The following PIK3C2G variants were observed in gnomAD, a reference collection of about 807,000 sequenced individuals.
PIK3C2G encodes the protein phosphatidylinositol 3-kinase C2 domain-containing subunit gamma.
A neutral mutation model predicts 181.1 loss-of-function variants in PIK3C2G; 168 were observed. That is an observed-to-expected ratio of 0.93 (90% CI 0.82 to 1.05). The LOEUF (loss-of-function observed/expected upper bound fraction) is 1.05. Ranked by LOEUF, PIK3C2G falls within the 50% of genes least tolerant of loss-of-function variation. The probability of loss-of-function intolerance (pLI) is 0.00; values close to 1 mark genes in which losing one functional copy is unlikely to be tolerated. For synonymous variants in PIK3C2G, 573 were observed against 592.2 expected, an observed-to-expected ratio of 0.97 and a Z score of 0.47; for missense variants, 1,869 against 1,732.8, an observed-to-expected ratio of 1.08 and a Z score of -1.40.
chr12:18,246,917 A>G (rs1948045996), upstream of PIK3C2G, among the ~76,000 whole-genome samples: 1 of 150,400 alleles, frequency 6.6e-6, no homozygotes, highest in Non-Finnish European at 1.5e-5. Context: ...TTTAATGGCA[A>G]GAGGCTATTA....
intron 30 of PIK3C2G, among the ~76,000 whole-genome samples, chr12:18,608,723 G>C (rs1948187296): frequency 6.6e-6 from 1 of 151,904 alleles, no homozygotes; most frequent in South Asian, 2.1e-4. Flanking sequence ...AAAAAGTATA[G>C]AATAAAAGTG....
intron 25 of PIK3C2G, among the ~76,000 whole-genome samples, chr12:18,545,065 CT>C (rs1233661383): frequency 1.3e-5 from 2 of 151,798 alleles, no homozygotes; most frequent in Non-Finnish European, 2.9e-5. Context: ...ACTTAAAGAG[CT>C]TTCTTGTTTT....
intron 29 of PIK3C2G, among the ~76,000 whole-genome samples, chr12:18,589,028 G>T (rs141466182): frequency 6.6e-6 from 1 of 152,150 alleles, no homozygotes; most frequent in East Asian, 1.9e-4. Flanking sequence ...ATTTATAAGT[G>T]GGAGCTAAAT....
At chr12:18,458,103 C>T (rs893525646) in intron 18 of PIK3C2G, among the ~76,000 whole-genome samples, 3 of 152,106 alleles carry the variant, frequency 2.0e-5, no homozygotes, top group African/African-American at 7.2e-5. Context: ...TTCTTATTTA[C>T]TACCTTCATC....
chr12:18,479,882 G>A (rs188687629), intron 18 of PIK3C2G, among the ~76,000 whole-genome samples: 1 of 152,160 alleles, frequency 6.6e-6, no homozygotes, highest in Non-Finnish European at 1.5e-5. Context: ...CAAATGTAAG[G>A]GTGGGAGAAA....
chr12:18,630,151 C>A (rs1396733612), intron 31 of PIK3C2G, among the ~76,000 whole-genome samples: 2 of 152,020 alleles, frequency 1.3e-5, no homozygotes, highest in Non-Finnish European at 2.9e-5. Flanking sequence ...GTGGCTCATA[C>A]CTATAATCCC....
the PIK3C2G span, among the ~76,000 whole-genome samples, chr12:18,689,169 A>G: frequency 3.9e-5 from 6 of 152,140 alleles, no homozygotes; most frequent in African/African-American, 1.4e-4. Context: ...CCATAAACAT[A>G]TAGTACACTG....
chr12:18,666,686 G>C, the PIK3C2G span, among the ~76,000 whole-genome samples: 1 of 152,086 alleles, frequency 6.6e-6, no homozygotes, highest in Non-Finnish European at 1.5e-5. Context: ...TAGAATACTT[G>C]AACAATGCTA....
rs550652018 is a variant in PIK3C2G, at chr12:18,605,328, A to C, written c.4088-4207A>C. 2.0e-5 allele frequency among the ~76,000 whole-genome samples: 3 copies of C among 152,310 alleles called. No individual in the cohort carries two copies. In the East Asian group the frequency reaches 5.8e-4, roughly 29 times the overall value. ...TGGAAAAATACAACCCTTGTAGCTT[A>C]AATCAGGAATAATTAGATACCCTGA... On this transcript the variant is annotated intron_variant, in intron 30 of 32. Transcript: ENST00000538779.
the PIK3C2G span, among the ~76,000 whole-genome samples, chr12:18,674,222 C>T: frequency 6.6e-6 from 1 of 152,182 alleles, no homozygotes; most frequent in African/African-American, 2.4e-5. Flanking sequence ...ATATAAGCCA[C>T]ATATATTAAA....
At chr12:18,682,166 C>T in the PIK3C2G span, among the ~76,000 whole-genome samples, 2 of 152,044 alleles carry the variant, frequency 1.3e-5, no homozygotes, top group South Asian at 4.1e-4. Context: ...CCATTTCTTA[C>T]TACCTATGGC....
At chr12:18,280,884 T>C (rs760076093) in intron 1 of PIK3C2G, among the ~76,000 whole-genome samples, 18 of 151,906 alleles carry the variant, frequency 1.2e-4, no homozygotes, top group Non-Finnish European at 2.2e-4. Flanking sequence ...ATTTAAGATA[T>C]ATTTATGTAG....
the PIK3C2G span, among the ~76,000 whole-genome samples, chr12:18,656,303 C>T: frequency 2.0e-5 from 3 of 152,024 alleles, no homozygotes; most frequent in East Asian, 3.9e-4. Flanking sequence ...GGTGGCTGGG[C>T]GCAGTGGGTC....
At chr12:18,456,948 TAA>T (rs1457188592) in intron 18 of PIK3C2G, among the ~76,000 whole-genome samples, 1 of 152,148 alleles carries the variant, frequency 6.6e-6, no homozygotes, top group African/African-American at 2.4e-5. Context: ...TCTTTTTATA[TAA>T]AAGTTTTCCA....
intron 5 of PIK3C2G, among the ~76,000 whole-genome samples, chr12:18,307,334 T>C: frequency 6.6e-6 from 1 of 151,614 alleles, no homozygotes; most frequent in Non-Finnish European, 1.5e-5. Context: ...AGAGAATAAA[T>C]AATTAATATA....
upstream of PIK3C2G, among the ~76,000 whole-genome samples, chr12:18,258,493 T>C (rs1948170861): frequency 6.6e-6 from 1 of 152,114 alleles, no homozygotes; most frequent in Non-Finnish European, 1.5e-5. Context: ...CCTATTAATT[T>C]AACTTTTTTA....
the PIK3C2G span, among the ~76,000 whole-genome samples, chr12:18,689,840 A>C: frequency 6.6e-6 from 1 of 152,162 alleles, no homozygotes; most frequent in Non-Finnish European, 1.5e-5. Context: ...TTATAGTAAA[A>C]CTTGGCTCTC....
intron 30 of PIK3C2G, among the ~76,000 whole-genome samples, chr12:18,603,862 C>G (rs1201610236): frequency 6.6e-6 from 1 of 152,042 alleles, no homozygotes; most frequent in Non-Finnish European, 1.5e-5. Flanking sequence ...ACAAGAACTG[C>G]TAAAAAGAGC....
intron 8 of PIK3C2G, among the ~76,000 whole-genome samples, chr12:18,332,633 C>G (rs1424559379): frequency 6.6e-6 from 1 of 152,112 alleles, no homozygotes; most frequent in African/African-American, 2.4e-5. Context: ...ACCCTTCCTT[C>G]AACAGCAAAG....
Sources: allele counts gnomAD v4.1 joint callset (sites outside exome capture counted in the v4.1 genomes callset), GRCh38; gene constraint gnomAD v4.1.1; transcripts MANE v1.5; gene names NCBI Gene and HGNC (gene_info 2026-07-23, HGNC 2026-07-21).